BBX: variants seen among roughly 807,000 people sequenced by gnomAD.
BBX encodes the protein HMG box transcription factor BBX.
Under a neutral mutation model 100.2 loss-of-function variants are expected in BBX, and 30 were observed. That is an observed-to-expected ratio of 0.30 (90% CI 0.22 to 0.41). The LOEUF (loss-of-function observed/expected upper bound fraction) is 0.41. Ranked by LOEUF, BBX falls within the 10% of genes least tolerant of loss-of-function variation. The pLI is 1.00. For synonymous variants in BBX, 376 were observed against 388.1 expected (o/e 0.97, Z 0.37); for missense variants, 1,023 against 1,129.8 (o/e 0.91, Z 1.35).
chr3:107,633,768 C>T lies in BBX; in HGVS notation c.-83-12068C>T, dbSNP rs1576095697. On this transcript the variant is annotated intron_variant, in intron 2 of 17. Transcript: ENST00000325805. ...TCTGCTTATTGATTTCAGTTTTAAC[C>T]TCTGAAACCACCATACAAAATTATG... Among the ~76,000 whole-genome samples, 4 of 152,194 alleles carry T rather than the reference C, an allele frequency of 2.6e-5. No individual in the cohort carries two copies. The South Asian group carries it at 8.3e-4, about 31-fold the overall frequency.
intron 3 of BBX, among the ~76,000 whole-genome samples, chr3:107,671,366 T>G (rs2059011505): frequency 6.6e-6 from 1 of 152,062 alleles, no homozygotes; most frequent in Non-Finnish European, 1.5e-5. Context: ...TGTAGAGATT[T>G]GAGCCTAAAC....
In BBX at chr3:107,773,819, C is replaced by A. The variant is rs6782230; in HGVS notation, c.1915+183C>A. On this transcript the variant is annotated intron_variant, in intron 11 of 17. Coordinates refer to ENST00000325805, the MANE Select transcript of BBX (RefSeq NM_001142568.3). The surrounding 1 kb of genome is among the most constrained non-coding windows in gnomAD (Gnocchi z 4.1). ...ACTTTACTTACATGTTTTCTAGCAC[C>A]ATTAAGGGAAGTGTATTCATTTTGT... Among the ~76,000 whole-genome samples the A allele has an allele frequency of 0.028, 4,235 of 152,134 alleles. 205 individuals are homozygous for A. The highest frequency in any genetic ancestry group is 0.097 in the African/African-American group (4,030 of 41,494).
In BBX at chr3:107,728,913, A is replaced by G. The variant is rs1430885882; in HGVS notation, c.554A>G (p.Lys185Arg). 3 of 1,613,744 alleles carry G rather than the reference A, an allele frequency of 1.9e-6. No individual in the cohort carries two copies. Among genetic ancestry groups the G allele is most frequent in the Admixed American group, 1.7e-5 (1 of 59,976 alleles). The change falls in exon 6 of 18, where the codon AAG becomes AGG. Residue 185 changes from lysine (K) to arginine (R), a missense_variant. Physicochemically the swap from Lys to Arg is conservative, Grantham distance 26. Transcript: ENST00000325805. ...TCTTCAAGAGACTTGCCAAGCCCCAAGAAAGCAAAGACTGAAGAAATGCCT... is the reference window on the plus strand; with the variant it reads ...TCTTCAAGAGACTTGCCAAGCCCCAGGAAAGCAAAGACTGAAGAAATGCCT... ...SDSSRDLPSP[K>R]KAKTEEMPQL...
intron 17 of BBX, among the ~76,000 whole-genome samples, chr3:107,803,375 A>G (rs1332204547): frequency 1.1e-4 from 16 of 152,262 alleles, no homozygotes; most frequent in Admixed American, 1.0e-3. Flanking sequence ...CCAGGCTTCT[A>G]CCTGTAGGCT....
chr3:107,697,965 G>T (rs1262818504), intron 3 of BBX, among the ~76,000 whole-genome samples: 1 of 151,884 alleles, frequency 6.6e-6, no homozygotes, highest in Non-Finnish European at 1.5e-5. Context: ...ATTTTCCAGG[G>T]GCCGTCTGTC....
intron 2 of BBX, among the ~76,000 whole-genome samples, chr3:107,541,597 A>G (rs2048867787): frequency 6.6e-6 from 1 of 152,144 alleles, no homozygotes; most frequent in Admixed American, 6.5e-5. Flanking sequence ...CTGACAAACA[A>G]TGAACTTTTA....
Position 107,728,868 on chromosome 3 carries a change from T to C in BBX, c.509T>C (p.Leu170Pro). The change falls in exon 6 of 18, where the codon CTT (leucine) becomes CCT (proline). Residue 170 changes from leucine to proline, a missense_variant. This residue lies in a region of BBX where 229 missense variants were observed against 226.3 expected (regional missense o/e 1.01). Coordinates refer to ENST00000325805, the MANE Select transcript of BBX (RefSeq NM_001142568.3). Reference protein sequence around the residue: ...PTPTVNPRKKLWAFPSDSSRD... With the variant: ...PTPTVNPRKKPWAFPSDSSRD... ...CCCACTGTCAATCCACGAAAGAAACTTTGGGCCTTCCCATCTGACTCTTCA... is the reference window on the plus strand; with the variant it reads ...CCCACTGTCAATCCACGAAAGAAACCTTGGGCCTTCCCATCTGACTCTTCA... 3 of 1,613,938 alleles carry C rather than the reference T, an allele frequency of 1.9e-6. No individual in the cohort carries two copies. Among genetic ancestry groups the C allele is most frequent in the Non-Finnish European group, 2.5e-6 (3 of 1,179,872 alleles).
At chr3:107,684,987 G>A (rs1203512911) in intron 3 of BBX, among the ~76,000 whole-genome samples, 5 of 152,146 alleles carry the variant, frequency 3.3e-5, no homozygotes, top group African/African-American at 1.2e-4. Context: ...AGAAAGTAGA[G>A]TTGGTTCTGA....
chr3:107,629,430 C>A (rs1163163266), intron 2 of BBX, among the ~76,000 whole-genome samples: 1 of 152,176 alleles, frequency 6.6e-6, no homozygotes, highest in Non-Finnish European at 1.5e-5. Flanking sequence ...ACCCATTATG[C>A]ACATGATGTT....
chr3:107,755,578 T>G lies in BBX; in HGVS notation c.826-20T>G, dbSNP rs1338906519. ...TGGTATCACAACTAATATTCCCTAT[T>G]TGGATTGTCTTTAATATAGATTTCT... On this transcript the variant is annotated intron_variant, in intron 9 of 17. Coordinates refer to ENST00000325805, the MANE Select transcript of BBX (RefSeq NM_001142568.3). 2 of 1,602,348 alleles carry G rather than the reference T, an allele frequency of 1.2e-6. No homozygotes were observed. The highest frequency in any genetic ancestry group is 1.6e-4 in the Middle Eastern group (1 of 6,066).
At chr3:107,746,530 C>T (rs1243069342) in intron 8 of BBX, among the ~76,000 whole-genome samples, 1 of 152,074 alleles carries the variant, frequency 6.6e-6, no homozygotes, top group Non-Finnish European at 1.5e-5. Flanking sequence ...TTCTAAAAAT[C>T]CTTATCAGAT....
intron 10 of BBX, among the ~76,000 whole-genome samples, chr3:107,767,477 A>G (rs989678627): frequency 6.6e-6 from 1 of 152,230 alleles, no homozygotes; most frequent in Non-Finnish European, 1.5e-5. Flanking sequence ...GTAGGATACC[A>G]CAAGACCTTG....
chr3:107,596,067 A>G (rs1011725025), intron 2 of BBX, among the ~76,000 whole-genome samples: 1 of 152,192 alleles, frequency 6.6e-6, no homozygotes, highest in African/African-American at 2.4e-5. Flanking sequence ...GTTTTCCAAT[A>G]TATTTTTTTG....
intron 13 of BBX, among the ~76,000 whole-genome samples, chr3:107,782,223 T>C (rs2067967597): frequency 1.3e-5 from 2 of 152,082 alleles, no homozygotes; most frequent in South Asian, 2.1e-4. Context: ...TTAACTTGAT[T>C]GTGACTGATT....
intron 3 of BBX, among the ~76,000 whole-genome samples, chr3:107,691,729 C>T (rs1181078116): frequency 6.6e-6 from 1 of 152,122 alleles, no homozygotes; most frequent in Non-Finnish European, 1.5e-5. Context: ...TACGTATATT[C>T]AAGGCAGTAT....
intron 7 of BBX, among the ~76,000 whole-genome samples, chr3:107,740,909 T>C (rs1330240398): frequency 6.7e-6 from 1 of 149,690 alleles, no homozygotes; most frequent in African/African-American, 2.5e-5. Context: ...TGCATATGAG[T>C]TGCAAGCAAC....
intron 3 of BBX, among the ~76,000 whole-genome samples, chr3:107,698,018 G>A (rs1488873198): frequency 1.3e-5 from 2 of 151,908 alleles, no homozygotes; most frequent in African/African-American, 2.4e-5. Flanking sequence ...GACCCCTTGC[G>A]CTTCCCGAGT....
Position 107,773,538 on chromosome 3 carries a change from G to C in BBX, c.1817G>C (p.Cys606Ser). 1 of 1,614,084 alleles carries C rather than the reference G, an allele frequency of 6.2e-7. No homozygotes were observed. Among genetic ancestry groups the C allele is most frequent in the Non-Finnish European group, 8.5e-7 (1 of 1,179,956 alleles). ...DSDCHRKIETCGSRKSERSCK... is the reference protein window; with the variant it reads ...DSDCHRKIETSGSRKSERSCK... ...GACTGTCACAGAAAAATAGAAACTTGTGGTTCCAGGAAATCCGAGAGGTCT... is the reference window on the plus strand; with the variant it reads ...GACTGTCACAGAAAAATAGAAACTTCTGGTTCCAGGAAATCCGAGAGGTCT... The change falls in exon 11 of 18, where the codon TGT becomes TCT. Residue 606 changes from cysteine to serine, a missense_variant. By Grantham distance (112) the Cys-to-Ser change is moderately radical. Around this residue, in one of 9 missense-constraint regions of BBX, gnomAD observed 348 missense variants for 353.2 expected, o/e 0.99. Transcript: ENST00000325805. The surrounding 1 kb of genome is among the most constrained non-coding windows in gnomAD (Gnocchi z 4.1).
chr3:107,634,018 C>T (rs1320474541), intron 2 of BBX, among the ~76,000 whole-genome samples: 3 of 152,236 alleles, frequency 2.0e-5, no homozygotes, highest in African/African-American at 7.2e-5. Flanking sequence ...ACAGTGTTGG[C>T]TCATATTACA....
Sources: allele counts gnomAD v4.1 joint callset (sites outside exome capture counted in the v4.1 genomes callset), GRCh38; gene constraint gnomAD v4.1.1; regional missense constraint gnomAD v4.1.1; non-coding constraint Gnocchi (gnomAD v3.1); transcripts MANE v1.5; gene names NCBI Gene and HGNC (gene_info 2026-07-23, HGNC 2026-07-21).